Variants in BDP1 observed in about 807,000 individuals in gnomAD.
The protein encoded by BDP1 is BDP1 general transcription factor IIIB subunit.
Under a neutral mutation model 266.6 loss-of-function variants are expected in BDP1, and 169 were observed. That is an observed-to-expected ratio of 0.63 (90% CI 0.56 to 0.72). BDP1 has a LOEUF of 0.72. Ranked by LOEUF, BDP1 falls within the 30% of genes least tolerant of loss-of-function variation. The pLI, the probability that BDP1 is intolerant of heterozygous loss-of-function variation, is 0.00. For synonymous variants in BDP1, 1,090 were observed against 1,022.4 expected, an observed-to-expected ratio of 1.07 and a Z score of -1.26; for missense variants, 3,015 against 3,053.8, an observed-to-expected ratio of 0.99 and a Z score of 0.30.
rs890994739 is a variant in BDP1, at chr5:71,562,391, A to G, written c.7614A>G (p.Leu2538=). The change falls in exon 38 of 39, where the codon TTA becomes TTG. Residue 2538 remains leucine, a synonymous_variant. Transcript: ENST00000358731. ...KKRLKPLIPG[L]RKKLKRSNPF... is the part of the protein sequence containing the mutation. ...GCCTAAAACCTCTTATACCTGGATT[A>G]AGAAAGAAATTGAAAAGATCTAATC... 6.2e-7 allele frequency: 1 copy of G among 1,613,970 alleles called. No homozygotes were observed. Among genetic ancestry groups the G allele is most frequent in the Non-Finnish European group, 8.5e-7 (1 of 1,179,952 alleles).
At chr5:71,527,225 GATGATTAAGACATCCCGCA>G (rs905985705) in intron 25 of BDP1, among the ~76,000 whole-genome samples, 8 of 152,180 alleles carry the variant, frequency 5.3e-5, no homozygotes, top group African/African-American at 1.9e-4. Flanking sequence ...TCTTTTTTAA[GATGATTAAGACATCCCGCA>G]ATGAGTGGTT....
intron 24 of BDP1, 58 bp downstream of exon 24, chr5:71,523,007 A>C: frequency 6.9e-7 from 1 of 1,440,018 alleles, no homozygotes; most frequent in Non-Finnish European, 9.3e-7. Flanking sequence ...CTTAACTTTT[A>C]CCTTAACTTA....
chr5:71,539,709 T>G (rs1374608643), intron 28 of BDP1, 60 bp downstream of exon 28: 1 of 1,156,950 alleles, frequency 8.6e-7, no homozygotes, highest in African/African-American at 1.6e-5. Context: ...ACTTAAGAAA[T>G]TATACCCACA....
At chr5:71,531,728 T>C (rs1192165018) in intron 25 of BDP1, among the ~76,000 whole-genome samples, 1 of 152,030 alleles carries the variant, frequency 6.6e-6, no homozygotes. Flanking sequence ...AGGCTGGTCT[T>C]GAACTCCTGA....
At chr5:71,573,000 G>A in the BDP1 span, among the ~76,000 whole-genome samples, 9 of 152,084 alleles carry the variant, frequency 5.9e-5, no homozygotes, top group African/African-American at 1.4e-4. Context: ...AGGCCAAGGC[G>A]GGTGGATCAT....
intron 38 of BDP1, among the ~76,000 whole-genome samples, chr5:71,564,108 T>G (rs886149975): frequency 1.3e-5 from 2 of 152,172 alleles, no homozygotes; most frequent in Non-Finnish European, 2.9e-5. Flanking sequence ...CATCATTTAT[T>G]TAATAATACA....
In BDP1 at chr5:71,455,904, G is replaced by A; in HGVS notation, c.27G>A (p.Val9=). The change falls in exon 1 of 39, where the codon GTG becomes GTA. Residue 9 remains valine, a synonymous_variant. Coordinates refer to ENST00000358731, the MANE Select transcript of BDP1 (RefSeq NM_018429.3). MFRRARLS[V]KPNVRPGVGA... ...TGTTCCGCAGGGCACGCCTTAGCGT[G>A]AAGCCGAATGTCAGGCCTGGTGTAG... 1 of 1,603,324 alleles carries A rather than the reference G, an allele frequency of 6.2e-7. No individual in the cohort carries two copies. Among genetic ancestry groups the A allele is most frequent in the Non-Finnish European group, 8.5e-7 (1 of 1,175,272 alleles).
chr5:71,522,246 A>G (rs535949310), intron 22 of BDP1, 43 bp from the exon 23 acceptor site: 1 of 1,521,164 alleles, frequency 6.6e-7, no homozygotes, highest in African/African-American at 1.4e-5. Flanking sequence ...TCAACAAGAA[A>G]TTCTGATTTT....
chr5:71,543,422 C>A (rs750250462), intron 30 of BDP1, among the ~76,000 whole-genome samples: 22 of 152,116 alleles, frequency 1.4e-4, no homozygotes, highest in Non-Finnish European at 3.1e-4. Context: ...TATAGGGAGA[C>A]CTTGTCTCTA....
rs1204819108 is a variant in BDP1 at position 71,515,018 on chromosome 5, A to G, written c.4545A>G (p.Pro1515=). 6.2e-7 allele frequency: 1 copy of G among 1,613,372 alleles called. No individual in the cohort carries two copies. The highest frequency in any genetic ancestry group is 8.5e-7 in the Non-Finnish European group (1 of 1,179,694). Residue 1515 remains proline (P), a synonymous_variant, in exon 20 of 39, where the codon CCA becomes CCG. Coordinates refer to ENST00000358731, the MANE Select transcript of BDP1 (RefSeq NM_018429.3). ...GGAATGAGGAGGCTGTGATATTGCC[A>G]TGTACACAGACTGAAAGGAACCTTT... is the stretch of plus-strand genomic sequence containing the variant. The part of the protein sequence containing the change: ...GHRNEEAVIL[P]CTQTERNLSP...
At chr5:71,462,640 G>A (rs181320912) in intron 3 of BDP1, among the ~76,000 whole-genome samples, 50 of 152,148 alleles carry the variant, frequency 3.3e-4, no homozygotes, top group African/African-American at 1.2e-3. Flanking sequence ...TGTAGTTCCA[G>A]CTATTTGGGA....
rs1388484903 is a variant in BDP1, at chr5:71,552,318, C to T, written c.6996-798C>T. 3.3e-5 allele frequency among the ~76,000 whole-genome samples: 5 copies of T among 149,936 alleles called. No individual in the cohort carries two copies. The South Asian group carries it at 8.5e-4, about 25-fold the overall frequency. On this transcript the variant is annotated intron_variant, in intron 34 of 38. Coordinates refer to ENST00000358731, the MANE Select transcript of BDP1 (RefSeq NM_018429.3). ...AGATGGGATGGTGGCCGGGAAGAGG[C>T]GCTCCTCACTTCCTAGATGGGATGG...
intron 30 of BDP1, among the ~76,000 whole-genome samples, chr5:71,543,865 A>G (rs757763976): frequency 2.6e-5 from 4 of 152,230 alleles, no homozygotes; most frequent in Non-Finnish European, 5.9e-5. Flanking sequence ...TGCACTAAAC[A>G]TGATGAAAAA....
intron 2 of BDP1, among the ~76,000 whole-genome samples, chr5:71,459,436 T>C (rs952269798): frequency 6.6e-6 from 1 of 152,164 alleles, no homozygotes; most frequent in Non-Finnish European, 1.5e-5. Context: ...TGCTTGAACC[T>C]GGGAGGTGGA....
chr5:71,458,893 A>G, intron 2 of BDP1, 38 bp downstream of exon 2: 3 of 1,566,020 alleles, frequency 1.9e-6, no homozygotes, highest in Middle Eastern at 3.4e-4. Flanking sequence ...GTTGCCTTCT[A>G]TTTATGTTAG....
intron 5 of BDP1, among the ~76,000 whole-genome samples, 188 bp downstream of exon 5, chr5:71,466,409 A>G (rs1419170220): frequency 1.3e-5 from 2 of 152,192 alleles, no homozygotes; most frequent in African/African-American, 2.4e-5. Context: ...TTTTATAACT[A>G]TTTTGTATGA....
rs58798987 is a variant in BDP1 at position 71,481,391 on chromosome 5, GAAAAA to G, written c.1015-2431_1015-2427del. On this transcript the variant is annotated intron_variant, in intron 7 of 38. Coordinates refer to ENST00000358731, the MANE Select transcript of BDP1 (RefSeq NM_018429.3). ...CATGGCAAGATCCCATCTCTACAAA[GAAAAA>G]AAAAAAAAAAAAAAAAAAAGCCAGG... Among the ~76,000 whole-genome samples the G allele has an allele frequency of 1.1e-4, 7 of 63,860 alleles. No individual in the cohort carries two copies. In the Admixed American group the frequency reaches 1.1e-3, roughly 10 times the overall value. The allele number at this position is 63,860 out of a possible 152,430, so 41.9% of individuals were successfully genotyped here.
intron 35 of BDP1, among the ~76,000 whole-genome samples, chr5:71,555,789 T>G (rs572162333): frequency 6.6e-6 from 1 of 152,314 alleles, no homozygotes; most frequent in East Asian, 1.9e-4. Context: ...AGGGACAGTA[T>G]CTCTCCCAAA....
At chr5:71,484,267 C>T (rs561941272) in intron 8 of BDP1, among the ~76,000 whole-genome samples, 2 of 152,204 alleles carry the variant, frequency 1.3e-5, no homozygotes, top group African/African-American at 4.8e-5. Context: ...ACTAATCAGT[C>T]ATTCAGTCAA....
Sources: allele counts gnomAD v4.1 joint callset (sites outside exome capture counted in the v4.1 genomes callset), GRCh38; gene constraint gnomAD v4.1.1; transcripts MANE v1.5; gene names NCBI Gene and HGNC (gene_info 2026-07-23, HGNC 2026-07-21).